Variants in ABCC11 observed in about 807,000 individuals in gnomAD.
The protein encoded by ABCC11 is ATP-binding cassette sub-family C member 11.
ABCC11 carries 135 observed loss-of-function variants against 149.3 expected under a neutral mutation model. The ratio of observed to expected loss-of-function variants is 0.90; its 90% confidence interval spans 0.79 to 1.04. ABCC11 has a LOEUF of 1.04. ABCC11 is among the 50% of genes least tolerant of loss of function. The pLI is 0.00. For missense variants in ABCC11, 1,680 were observed against 1,722.1 expected, an observed-to-expected ratio of 0.98 and a Z score of 0.43; for synonymous variants, 665 against 671.4, an observed-to-expected ratio of 0.99 and a Z score of 0.15.
intron 4 of ABCC11, among the ~76,000 whole-genome samples, chr16:48,225,442 T>C (rs1290927760): frequency 6.6e-6 from 1 of 152,224 alleles, no homozygotes; most frequent in East Asian, 1.9e-4. Flanking sequence ...ATTTATTTGT[T>C]GGAGAAACTG....
rs1185191704 is a variant in ABCC11 at position 48,178,597 on chromosome 16, C to T, written c.3348G>A (p.Lys1116=). The change falls in exon 24 of 30, where the codon AAG becomes AAA. Residue 1116 remains lysine (K), a splice_region_variant and synonymous_variant. Coordinates refer to ENST00000356608, the MANE Select transcript of ABCC11 (RefSeq NM_001370497.1). The part of the protein sequence containing the change: ...TAVERILQYM[K]MCVSEAPLHM... Reference sequence around the variant, plus strand: ...CACCAGACCCAGACCTGAACCCCACCTTCATGTACTGCAGTATCCTCTCTA... The same window carrying T: ...CACCAGACCCAGACCTGAACCCCACTTTCATGTACTGCAGTATCCTCTCTA... The T allele has an allele frequency of 6.2e-7, 1 of 1,613,934 alleles. No homozygotes were observed. Among genetic ancestry groups the T allele is most frequent in the African/African-American group, 1.3e-5 (1 of 74,892 alleles).
chr16:48,224,635 T>C (rs138156097), intron 4 of ABCC11, among the ~76,000 whole-genome samples: 1 of 152,360 alleles, frequency 6.6e-6, no homozygotes, highest in African/African-American at 2.4e-5. Context: ...TTGACTTTTG[T>C]TTCCTGGAGG....
intron 6 of ABCC11, among the ~76,000 whole-genome samples, chr16:48,219,177 T>G (rs1303248600): frequency 1.3e-5 from 2 of 151,332 alleles, no homozygotes; most frequent in Non-Finnish European, 1.5e-5. Flanking sequence ...GGGTTTTTTT[T>G]TTTTTTTTTT....
chr16:48,208,620 C>G (rs1968650303), intron 11 of ABCC11, 124 bp from the exon 12 acceptor site: 1 of 989,540 alleles, frequency 1.0e-6, no homozygotes, highest in Middle Eastern at 2.2e-4. Flanking sequence ...CCACACAGAG[C>G]CCAAGACTCC....
intron 23 of ABCC11, among the ~76,000 whole-genome samples, chr16:48,181,626 T>C (rs1427650316): frequency 6.6e-6 from 1 of 151,714 alleles, no homozygotes; most frequent in Non-Finnish European, 1.5e-5. Flanking sequence ...TTTTTTTTTT[T>C]CTGAGATGGA....
intron 1 of ABCC11, among the ~76,000 whole-genome samples, chr16:48,241,397 A>G (rs971607135): frequency 6.6e-6 from 1 of 152,204 alleles, no homozygotes; most frequent in Non-Finnish European, 1.5e-5. Flanking sequence ...ATAAAAGAGG[A>G]CACAAACAAA....
Position 48,215,252 on chromosome 16 carries a change from G to A in ABCC11, c.1044C>T (p.Cys348=), listed in dbSNP as rs1232477141. ...RIRVTSEVLT[C]IKLIKMYTWE... ...ATGTGTACATTTTAATCAGCTTAAT[G>A]CAAGTGAGAACTTCACTGGTCACAC... The change falls in exon 8 of 30, where the codon TGC becomes TGT. Residue 348 remains cysteine (C), a synonymous_variant. Transcript: ENST00000356608. 1.9e-6 allele frequency: 3 copies of A among 1,614,106 alleles called. No homozygotes were observed. The highest frequency in any genetic ancestry group is 2.5e-6 in the Non-Finnish European group (3 of 1,179,934).
At chr16:48,220,228 A>C (rs1969645050) in intron 6 of ABCC11, among the ~76,000 whole-genome samples, 1 of 152,106 alleles carries the variant, frequency 6.6e-6, no homozygotes, top group African/African-American at 2.4e-5. Flanking sequence ...GAAGACCCGG[A>C]CTCTGCAGCC....
chr16:48,196,965 T>C (rs1025720567), intron 17 of ABCC11, among the ~76,000 whole-genome samples: 1 of 152,206 alleles, frequency 6.6e-6, no homozygotes, highest in Non-Finnish European at 1.5e-5. Context: ...GCTCTTTTTC[T>C]GGAATTTTAA....
chr16:48,243,526 T>C (rs1971124857), intron 1 of ABCC11, among the ~76,000 whole-genome samples: 1 of 151,580 alleles, frequency 6.6e-6, no homozygotes, highest in South Asian at 2.1e-4. Context: ...CTGGACCAGA[T>C]CCAATGAAGG....
chr16:48,213,653 A>C (rs746852900), intron 9 of ABCC11, 103 bp from the exon 10 acceptor site: 19 of 841,982 alleles, frequency 2.3e-5, no homozygotes, highest in Non-Finnish European at 3.2e-5. Context: ...TCCAACAAGC[A>C]GTTGCTTCAT....
intron 6 of ABCC11, among the ~76,000 whole-genome samples, chr16:48,217,514 T>C (rs944693877): frequency 4.6e-5 from 7 of 152,162 alleles, no homozygotes; most frequent in Non-Finnish European, 8.8e-5. Flanking sequence ...GAGGATTACT[T>C]GAGCCCGGCA....
intron 1 of ABCC11, among the ~76,000 whole-genome samples, chr16:48,235,515 C>T (rs1160885379): frequency 1.3e-5 from 2 of 152,198 alleles, no homozygotes. Context: ...ACATCAGTCG[C>T]TCATCCCAAG....
rs1174796487 is a variant in ABCC11 at position 48,175,491 on chromosome 16, A to C, written c.3539-74T>G. ...GCGGAAGCACAGATCGCACCTGGCG[A>C]TCACACCTGACCCGCTGCCCTCCGT... On this transcript the variant is annotated intron_variant, in intron 25 of 29. Coordinates refer to ENST00000356608, the MANE Select transcript of ABCC11 (RefSeq NM_001370497.1). The C allele has an allele frequency of 2.6e-6, 4 of 1,510,578 alleles. No homozygotes were observed. The East Asian group carries it at 9.5e-5, about 36-fold the overall frequency. 93.6% of individuals were successfully genotyped at this position (1,510,578 alleles called of 1,614,324 possible).
intron 12 of ABCC11, among the ~76,000 whole-genome samples, chr16:48,207,093 T>G (rs778002033): frequency 6.6e-6 from 1 of 152,002 alleles, no homozygotes; most frequent in South Asian, 2.1e-4. Flanking sequence ...TTTGGCAATG[T>G]TCATTTGGGA....
intron 20 of ABCC11, among the ~76,000 whole-genome samples, chr16:48,190,891 C>T (rs1013337094): frequency 6.6e-5 from 10 of 152,152 alleles, no homozygotes; most frequent in Admixed American, 1.3e-4. Flanking sequence ...AGAGCTCCAC[C>T]GCACTTTCAT....
Position 48,170,945 on chromosome 16 carries a change from G to T in ABCC11, c.3721C>A (p.Arg1241Ser), listed in dbSNP as rs147816016. The change falls in exon 27 of 30, where the codon CGT becomes AGT. Residue 1241 changes from arginine to serine, a missense_variant. Transcript: ENST00000356608. ...TCCCAGATCTGCTGGTCAGTGTGAC[G>T]GTCAAAGGGATCTAGGTTGAATCTA... ...TIRFNLDPFD[R>S]HTDQQIWDAL... The T allele has an allele frequency of 1.2e-6, 2 of 1,613,774 alleles. No homozygotes were observed. The highest frequency in any genetic ancestry group is 3.3e-5 in the Admixed American group (2 of 60,024).
rs182068568 is a variant in ABCC11, at chr16:48,235,452, A to G, written c.-18-3513T>C. Among the ~76,000 whole-genome samples, 113 of 152,336 alleles carry G rather than the reference A, an allele frequency of 7.4e-4. 1 individual carries two copies. Among genetic ancestry groups the G allele is most frequent in the Non-Finnish European group, 3.1e-4 (21 of 68,032 alleles). ...CAGGAAACTAACGACATGGAAAATG[A>G]AACCCAACGAAAATTAAGAAAATGC... On this transcript the variant is annotated intron_variant, in intron 1 of 29. Transcript: ENST00000356608.
intron 23 of ABCC11, among the ~76,000 whole-genome samples, chr16:48,182,724 A>C (rs1966520048): frequency 6.6e-6 from 1 of 151,048 alleles, no homozygotes. Context: ...TGGAGCTTGC[A>C]GTGAGCCGAG....
Sources: gnomAD v4.1 joint callset for allele counts (sites outside exome capture counted in the v4.1 genomes callset) on GRCh38, gnomAD v4.1.1 for gene constraint, MANE v1.5 for transcripts, NCBI Gene and HGNC (gene_info 2026-07-23, HGNC 2026-07-21) for gene names.